FRMD3: variants seen among roughly 807,000 people sequenced by gnomAD.
The protein encoded by FRMD3 is FERM domain containing 3, also known as FERM domain-containing protein 3.
In FRMD3, 33 loss-of-function variants were observed where a neutral mutation model predicts 70.2. The ratio of observed to expected loss-of-function variants is 0.47; its 90% CI spans 0.36 to 0.63. The LOEUF is 0.63. Ranked by LOEUF, FRMD3 falls within the 20% of genes least tolerant of loss-of-function variation. FRMD3 has a pLI of 0.00. For synonymous variants in FRMD3, 279 were observed against 255.9 expected, an observed-to-expected ratio of 1.09 and a Z score of -0.86; for missense variants, 632 against 711.4, an observed-to-expected ratio of 0.89 and a Z score of 1.27.
At chr9:83,454,202 T>C (rs1827751710) in intron 1 of FRMD3, among the ~76,000 whole-genome samples, 1 of 152,320 alleles carries the variant, frequency 6.6e-6, no homozygotes. Flanking sequence ...ATTACAATGT[T>C]AATTATTTTC....
rs112850050 is a variant in FRMD3 at position 83,404,162 on chromosome 9, G to A, written c.148-14454C>T. Among the ~76,000 whole-genome samples the A allele has an allele frequency of 6.0e-3, 906 of 152,072 alleles. 12 individuals carry two copies. Among genetic ancestry groups the A allele is most frequent in the African/African-American group, 0.02 (830 of 41,490 alleles). On this transcript the variant is annotated intron_variant, in intron 1 of 13. Coordinates refer to ENST00000304195, the MANE Select transcript of FRMD3 (RefSeq NM_174938.6). ...CTGGAAGATGTAGGCTGGGCTCCCCGGCTATCACACCTACCCCTTTCTTCA... is the reference window on the plus strand; with the variant it reads ...CTGGAAGATGTAGGCTGGGCTCCCCAGCTATCACACCTACCCCTTTCTTCA...
At chr9:83,284,421 AACGTGGTGAAACCCCG>A in intron 13 of FRMD3, among the ~76,000 whole-genome samples, 3 of 152,166 alleles carry the variant, frequency 2.0e-5, no homozygotes, top group Non-Finnish European at 4.4e-5. Context: ...CACCCTGGCC[AACGTGGTGAAACCCCG>A]TCTCTACCAA....
At chr9:83,444,585 T>A (rs76123573) in intron 1 of FRMD3, among the ~76,000 whole-genome samples, 1 of 152,350 alleles carries the variant, frequency 6.6e-6, no homozygotes, top group East Asian at 1.9e-4. Context: ...GGCCACAGAA[T>A]GCTGTGTACT....
chr9:83,461,043 G>A (rs1827956597), intron 1 of FRMD3, among the ~76,000 whole-genome samples: 1 of 152,112 alleles, frequency 6.6e-6, no homozygotes, highest in Non-Finnish European at 1.5e-5. Context: ...TAGGGTCAGA[G>A]GAAGAGCAAT....
At position 83,335,621 on chromosome 9, in the gene FRMD3, T is replaced by C; in HGVS notation, c.491A>G (p.Asp164Gly). Residue 164 changes from aspartate to glycine, a missense_variant, in exon 6 of 14, where the codon GAT (aspartate) becomes GGT (glycine). Asp to Gly is a moderately conservative substitution (Grantham distance 94, BLOSUM62 -1). Transcript: ENST00000304195. ...GTAATTCTCAGGATGCTCATCAGGA[T>C]CGTAATCACCAAGCTCAGCTGTAAT... ...CIVQAELGDY[D>G]PDEHPENYIS... 1 of 1,613,144 alleles carries C rather than the reference T, an allele frequency of 6.2e-7. No individual in the cohort carries two copies. Among genetic ancestry groups the C allele is most frequent in the Non-Finnish European group, 8.5e-7 (1 of 1,179,384 alleles).
chr9:83,342,795 G>T (rs1421243753), intron 5 of FRMD3, among the ~76,000 whole-genome samples: 1 of 152,128 alleles, frequency 6.6e-6, no homozygotes, highest in Non-Finnish European at 1.5e-5. Context: ...TATCTTCCTA[G>T]ATGCAGATTC....
chr9:83,366,422 A>T (rs914757064), intron 3 of FRMD3, among the ~76,000 whole-genome samples: 3 of 152,032 alleles, frequency 2.0e-5, no homozygotes, highest in African/African-American at 7.2e-5. Flanking sequence ...AATACAAAAA[A>T]GTTATCCAGG....
intron 2 of FRMD3, among the ~76,000 whole-genome samples, chr9:83,383,204 G>A (rs1053900756): frequency 1.9e-4 from 29 of 152,202 alleles, no homozygotes; most frequent in Admixed American, 7.2e-4. Flanking sequence ...GCTAAACACC[G>A]CTGAGTGATC....
At chr9:83,536,998 G>C (rs1829909513) in intron 1 of FRMD3, among the ~76,000 whole-genome samples, 1 of 148,760 alleles carries the variant, frequency 6.7e-6, no homozygotes, top group Non-Finnish European at 1.5e-5. Context: ...AGGTGAGAAA[G>C]GAAATCCCAG....
rs181227965 is a variant in FRMD3 at position 83,424,029 on chromosome 9, C to T, written c.148-34321G>A. On this transcript the variant is annotated intron_variant, in intron 1 of 13. Transcript: ENST00000304195. ...CCAGTCAAGAGTAAATCTTCTTGAA[C>T]GTTAATGTGCCTTTAAATCACTTGA... Among the ~76,000 whole-genome samples the T allele has an allele frequency of 8.3e-4, 126 of 152,230 alleles. 1 individual carries two copies. The highest frequency in any genetic ancestry group is 2.9e-3 in the African/African-American group (121 of 41,544).
chr9:83,573,224 GGAA>G, the FRMD3 span, among the ~76,000 whole-genome samples: 1 of 151,174 alleles, frequency 6.6e-6, no homozygotes, highest in Non-Finnish European at 1.5e-5. Context: ...CCAAAAAAAA[GGAA>G]GAAGATTCAG....
chr9:83,284,132 T>A (rs776923619), intron 13 of FRMD3, among the ~76,000 whole-genome samples: 12 of 149,152 alleles, frequency 8.0e-5, no homozygotes, highest in Non-Finnish European at 1.5e-4. Context: ...GAAGTTGATG[T>A]ACTAGCTTTA....
chr9:83,270,853 T>C (rs1189758340), intron 13 of FRMD3, among the ~76,000 whole-genome samples: 6 of 152,056 alleles, frequency 3.9e-5, no homozygotes, highest in Admixed American at 3.9e-4. Context: ...ATTTTTTTTT[T>C]TTTTGGTCTC....
chr9:83,447,346 T>C (rs1406432360), intron 1 of FRMD3, among the ~76,000 whole-genome samples: 2 of 152,110 alleles, frequency 1.3e-5, no homozygotes, highest in Non-Finnish European at 2.9e-5. Flanking sequence ...TAAGTCCCCA[T>C]GTTTGAGGAG....
rs925249237 is a variant in FRMD3, at chr9:83,537,678, C to T, written c.147+407G>A. On this transcript the variant is annotated intron_variant, in intron 1 of 13. Coordinates refer to ENST00000304195, the MANE Select transcript of FRMD3 (RefSeq NM_174938.6). The surrounding 1 kb of genome is among the most constrained non-coding windows in gnomAD (Gnocchi z 4.1). Reference sequence around the variant, plus strand: ...TGAACCCAGCTGATGCATGCCTTCTCCACGTGGAAGAAGGGAGGAAATACC... The same window carrying T: ...TGAACCCAGCTGATGCATGCCTTCTTCACGTGGAAGAAGGGAGGAAATACC... 2.0e-5 allele frequency among the ~76,000 whole-genome samples: 3 copies of T among 152,188 alleles called. No homozygotes were observed. The highest frequency in any genetic ancestry group is 1.9e-4 in the East Asian group (1 of 5,178).
rs1288483025 is a variant in FRMD3, at chr9:83,405,381, AC to A, written c.148-15674del. ...TCCCAGGGCTTACAGTGATCCACTT[AC>A]ATCTGAACCCAATCAGCTGGGTCCC... On this transcript the variant is annotated intron_variant, in intron 1 of 13. Coordinates refer to ENST00000304195, the MANE Select transcript of FRMD3 (RefSeq NM_174938.6). Among the ~76,000 whole-genome samples the A allele has an allele frequency of 2.6e-5, 4 of 152,068 alleles. No homozygotes were observed. In the East Asian group the frequency reaches 7.7e-4, roughly 29 times the overall value.
the FRMD3 span, among the ~76,000 whole-genome samples, chr9:83,550,711 T>TGTGC: frequency 5.4e-3 from 819 of 151,686 alleles, 1 homozygote; most frequent in Non-Finnish European, 8.0e-3. Flanking sequence ...TGTGTGTGTG[T>TGTGC]GTGTGTGTGT....
At chr9:83,488,036 C>T (rs1009438363) in intron 1 of FRMD3, among the ~76,000 whole-genome samples, 1 of 152,032 alleles carries the variant, frequency 6.6e-6, no homozygotes, top group Non-Finnish European at 1.5e-5. Flanking sequence ...TAGAAATAGA[C>T]CCCCCAAGCT....
intron 5 of FRMD3, among the ~76,000 whole-genome samples, chr9:83,338,070 G>T (rs977620982): frequency 2.0e-5 from 3 of 152,088 alleles, no homozygotes; most frequent in East Asian, 1.9e-4. Context: ...TTTTTTAATG[G>T]ACAGGAAGAC....
Sources: allele counts gnomAD v4.1 joint callset (sites outside exome capture counted in the v4.1 genomes callset), GRCh38; gene constraint gnomAD v4.1.1; non-coding constraint Gnocchi (gnomAD v3.1); transcripts MANE v1.5; gene names NCBI Gene and HGNC (gene_info 2026-07-23, HGNC 2026-07-21).